Variants in BICDL1 observed in about 807,000 individuals in gnomAD.
BICDL1 encodes the protein BICD family-like cargo adapter 1.
In BICDL1, 20 loss-of-function variants were observed where a neutral mutation model predicts 76.8. The ratio of observed to expected loss-of-function variants is 0.26; its 90% confidence interval spans 0.18 to 0.38. The LOEUF (loss-of-function observed/expected upper bound fraction) is 0.38, where lower values mean the gene tolerates loss of function less well. Among genes scored for constraint, BICDL1 ranks in the 10% least tolerant of loss-of-function variants. The pLI, the probability that BICDL1 is intolerant of heterozygous loss-of-function variation, is 1.00. For missense variants in BICDL1, 700 were observed against 798.6 expected (o/e 0.88, Z 1.49); for synonymous variants, 383 against 337.1 (o/e 1.14, Z -1.49).
chr12:120,023,088 G>C (rs1952215750), intron 2 of BICDL1, among the ~76,000 whole-genome samples: 1 of 152,192 alleles, frequency 6.6e-6, no homozygotes, highest in Non-Finnish European at 1.5e-5. Context: ...TGTTGCCTTA[G>C]TAGTAGTGAA....
intron 2 of BICDL1, among the ~76,000 whole-genome samples, chr12:120,061,330 T>A: frequency 6.6e-6 from 1 of 152,212 alleles, no homozygotes; most frequent in South Asian, 2.1e-4. Flanking sequence ...AGTAAAGGAA[T>A]TTCTAAGGCA....
At chr12:120,049,342 G>A (rs1594166050) in intron 2 of BICDL1, among the ~76,000 whole-genome samples, 2 of 152,188 alleles carry the variant, frequency 1.3e-5, no homozygotes, top group African/African-American at 4.8e-5. Flanking sequence ...AAGGCTTTTT[G>A]TGCCTGTTTG....
intron 8 of BICDL1, among the ~76,000 whole-genome samples, chr12:120,081,629 G>A (rs1319226370): frequency 9.9e-5 from 15 of 151,614 alleles, no homozygotes; most frequent in African/African-American, 2.4e-4. Context: ...GATTACAGGC[G>A]TGAGCCACCA....
intron 2 of BICDL1, among the ~76,000 whole-genome samples, chr12:120,039,888 A>G (rs1952603823): frequency 6.6e-6 from 1 of 151,960 alleles, no homozygotes; most frequent in African/African-American, 2.4e-5. Flanking sequence ...GTGTGGTAAA[A>G]CCCTATGGGG....
intron 2 of BICDL1, among the ~76,000 whole-genome samples, chr12:120,014,722 G>C (rs1168921518): frequency 6.6e-6 from 1 of 151,720 alleles, no homozygotes; most frequent in Non-Finnish European, 1.5e-5. Flanking sequence ...TTCTTGGCTG[G>C]GTGTGGTGGC....
chr12:119,992,479 C>T (rs937683879), intron 1 of BICDL1: 5 of 152,216 alleles, frequency 3.3e-5, no homozygotes, highest in Non-Finnish European at 7.3e-5. Context: ...CTTACTGCAC[C>T]CTCAAGTGAC....
chr12:120,038,383 C>T (rs766668282), intron 2 of BICDL1, among the ~76,000 whole-genome samples: 2 of 152,120 alleles, frequency 1.3e-5, no homozygotes, highest in East Asian at 1.9e-4. Context: ...ACTTATAACA[C>T]ATCCTACAGT....
chr12:120,085,998 T>TAAA (rs397850497), intron 8 of BICDL1, among the ~76,000 whole-genome samples: 1 of 129,342 alleles, frequency 7.7e-6, no homozygotes. Context: ...TTTCTCCCTT[T>TAAA]AAAAAAAAAA....
intron 9 of BICDL1, chr12:120,092,244 C>G (rs1875034217): frequency 2.0e-6 from 2 of 985,318 alleles, no homozygotes; most frequent in South Asian, 4.7e-5. Flanking sequence ...GGCTGCTGTT[C>G]TGTAAAACAT....
chr12:120,091,336 TG>T (rs1874948493), intron 9 of BICDL1: 3 of 1,007,670 alleles, frequency 3.0e-6, no homozygotes, highest in South Asian at 8.0e-5. Context: ...TGGACAGACC[TG>T]ATTGCTTAAA....
chr12:120,019,357 A>G (rs1272049964), intron 2 of BICDL1: 2 of 152,172 alleles, frequency 1.3e-5, no homozygotes, highest in Non-Finnish European at 2.9e-5. Context: ...ACTCTACTGT[A>G]ATTCATCTGG....
intron 2 of BICDL1, among the ~76,000 whole-genome samples, chr12:120,033,916 G>A (rs930203949): frequency 6.6e-6 from 1 of 152,114 alleles, no homozygotes; most frequent in African/African-American, 2.4e-5. Flanking sequence ...GGACTGTGGT[G>A]GTGATGTGAG....
chr12:119,998,201 A>G (rs1951690271), intron 1 of BICDL1, among the ~76,000 whole-genome samples: 1 of 152,230 alleles, frequency 6.6e-6, no homozygotes. Flanking sequence ...GTTTAAATGT[A>G]TAGTTCACCA....
chr12:120,051,632 T>G (rs575100423), intron 2 of BICDL1, among the ~76,000 whole-genome samples: 1 of 152,316 alleles, frequency 6.6e-6, no homozygotes, highest in East Asian at 1.9e-4. Flanking sequence ...GCACAACTAG[T>G]CTAGGATTTT....
intron 2 of BICDL1, among the ~76,000 whole-genome samples, chr12:120,016,196 G>A (rs1294170042): frequency 6.6e-6 from 1 of 152,142 alleles, no homozygotes; most frequent in African/African-American, 2.4e-5. Flanking sequence ...TTAGCATCAC[G>A]TCTGTGAGGT....
At position 120,093,746 on chromosome 12, in the gene BICDL1, C is replaced by T. The variant is rs553675465; in HGVS notation, c.*585C>T. 7.3e-4 allele frequency: 126 copies of T among 173,146 alleles called. No homozygotes were observed. Among genetic ancestry groups the T allele is most frequent in the Non-Finnish European group, 9.4e-4 (75 of 79,832 alleles). 10.7% of individuals were successfully genotyped at this position (173,146 alleles called of 1,614,324 possible). ...GCCTCTGGCCGCAGGGTCTAAGAGC[C>T]GGGGCTTACCCAAGCTCAGCTGAGG... On this transcript the variant is annotated 3_prime_UTR_variant, in exon 10 of 10. Transcript: ENST00000548673.
rs755712545 is a variant in BICDL1 at position 120,071,589 on chromosome 12, G to C, written c.910-33G>C. ...CAGTTTGTCTTGGTTTTTGTGTTTG[G>C]TAAACCTCAACCATTTGCTCTTTCT... On this transcript the variant is annotated intron_variant, in intron 4 of 9. Coordinates refer to ENST00000548673, the MANE Select transcript of BICDL1 (RefSeq NM_001367886.1). This position sits in a 1 kb window ranked among gnomAD's most constrained non-coding sequence, Gnocchi z 4.8. 8 of 1,566,136 alleles carry C rather than the reference G, an allele frequency of 5.1e-6. No individual in the cohort carries two copies. The highest frequency in any genetic ancestry group is 6.9e-6 in the Non-Finnish European group (8 of 1,155,500).
At chr12:120,081,692 T>C (rs1350401978) in intron 8 of BICDL1, among the ~76,000 whole-genome samples, 3 of 151,946 alleles carry the variant, frequency 2.0e-5, no homozygotes, top group Non-Finnish European at 2.9e-5. Flanking sequence ...CTTTTTTTTT[T>C]AGTTTTTTTG....
In BICDL1 at chr12:120,002,042, AT is replaced by A. The variant is rs931485075; in HGVS notation, c.645+3313del. 5.3e-5 allele frequency among the ~76,000 whole-genome samples: 8 copies of A among 152,172 alleles called. 1 individual carries two copies. Among genetic ancestry groups the A allele is most frequent in the Admixed American group, 3.9e-4 (6 of 15,274 alleles). On this transcript the variant is annotated intron_variant, in intron 2 of 9. Transcript: ENST00000548673. ...GTGAGACTTTGTCTCTTAAAAAAAA[AT>A]TTTTTTAAGTGTATAATTGGGTAGT...
Sources: gnomAD v4.1 joint callset for allele counts (sites outside exome capture counted in the v4.1 genomes callset) on GRCh38, gnomAD v4.1.1 for gene constraint, Gnocchi (gnomAD v3.1) non-coding constraint, MANE v1.5 for transcripts, NCBI Gene and HGNC (gene_info 2026-07-23, HGNC 2026-07-21) for gene names.